OR2L13: variants seen among roughly 807,000 people sequenced by gnomAD.
The protein encoded by OR2L13 is olfactory receptor family 2 subfamily L member 13.
Under a neutral mutation model 15.3 loss-of-function variants are expected in OR2L13, and 14 were observed. That is an observed-to-expected ratio of 0.91 (90% CI 0.60 to 1.43). OR2L13 has a LOEUF of 1.43. OR2L13 is among the 40% of genes most tolerant of loss of function. The pLI is 0.00. For missense variants in OR2L13, 367 were observed against 387.9 expected (o/e 0.95, Z 0.45); for synonymous variants, 152 against 142.9 (o/e 1.06, Z -0.45).
chr1:247,949,609 A>G, the OR2L13 span: 50 of 1,613,904 alleles, frequency 3.1e-5, no homozygotes, highest in Admixed American at 1.3e-4. Context: ...ACTTTCTACT[A>G]TGCACCTTTT....
the OR2L13 span, among the ~76,000 whole-genome samples, chr1:248,074,711 A>AG: frequency 6.6e-6 from 1 of 152,234 alleles, no homozygotes; most frequent in South Asian, 2.1e-4. Context: ...GGGGAGAAAA[A>AG]TTACCTATTG....
At chr1:248,023,775 G>A in the OR2L13 span, 3 of 152,136 alleles carry the variant, frequency 2.0e-5, no homozygotes, top group Non-Finnish European at 4.4e-5. Context: ...CTCCACAAGA[G>A]CCCATTCCTG....
chr1:248,068,082 A>G, the OR2L13 span, among the ~76,000 whole-genome samples: 2 of 149,942 alleles, frequency 1.3e-5, no homozygotes, highest in Admixed American at 6.6e-5. Context: ...CAGACAAACA[A>G]AAAGACAGCA....
chr1:248,091,750 G>A (rs1483874898), upstream of OR2L13, among the ~76,000 whole-genome samples: 1 of 151,930 alleles, frequency 6.6e-6, no homozygotes, highest in East Asian at 1.9e-4. Flanking sequence ...GCTTAGGATT[G>A]TCTTGGCTAT....
At chr1:247,996,905 T>G in the OR2L13 span, 15 of 152,186 alleles carry the variant, frequency 9.9e-5, no homozygotes, top group Non-Finnish European at 2.1e-4. Context: ...CATCTGTACA[T>G]TCTGACTTTC....
the OR2L13 span, among the ~76,000 whole-genome samples, chr1:248,014,169 T>A: frequency 2.0e-5 from 3 of 152,156 alleles, no homozygotes; most frequent in Non-Finnish European, 2.9e-5. Context: ...TATAATAATC[T>A]TATTGCTGTT....
chr1:247,940,545 A>C, the OR2L13 span, among the ~76,000 whole-genome samples: 1 of 152,170 alleles, frequency 6.6e-6, no homozygotes, highest in African/African-American at 2.4e-5. Flanking sequence ...AGACAGTAAC[A>C]ATAATTGTTA....
chr1:248,077,760 G>C, the OR2L13 span, among the ~76,000 whole-genome samples: 1 of 152,154 alleles, frequency 6.6e-6, no homozygotes, highest in Admixed American at 6.5e-5. Flanking sequence ...GCCAATCACA[G>C]CTCTGTCAAA....
chr1:247,963,391 A>G, the OR2L13 span, among the ~76,000 whole-genome samples: 1 of 152,178 alleles, frequency 6.6e-6, no homozygotes, highest in African/African-American at 2.4e-5. Flanking sequence ...AGTGAGGACC[A>G]CCAGAGGTGG....
chr1:247,968,520 G>C, the OR2L13 span, among the ~76,000 whole-genome samples: 1 of 130,790 alleles, frequency 7.6e-6, no homozygotes, highest in East Asian at 2.3e-4. Context: ...ACAGGCCCAG[G>C]TGAGTGATGT....
chr1:248,084,798 C>T, the OR2L13 span, among the ~76,000 whole-genome samples: 3 of 152,172 alleles, frequency 2.0e-5, no homozygotes, highest in Non-Finnish European at 4.4e-5. Context: ...CATTAAATTA[C>T]TACATCCAGC....
chr1:247,975,177 T>C, the OR2L13 span: 1 of 399,336 alleles, frequency 2.5e-6, no homozygotes, highest in Non-Finnish European at 5.0e-6. Context: ...GATAATAGGA[T>C]CTTGGATAAT....
chr1:248,098,107 T>C (rs1251901043), intron 1 of OR2L13, among the ~76,000 whole-genome samples: 1 of 152,258 alleles, frequency 6.6e-6, no homozygotes, highest in Non-Finnish European at 1.5e-5. Flanking sequence ...GGAATACTTT[T>C]TGAATTCCTT....
At chr1:248,033,878 C>T in the OR2L13 span, among the ~76,000 whole-genome samples, 2 of 152,104 alleles carry the variant, frequency 1.3e-5, no homozygotes, top group East Asian at 1.9e-4. Context: ...AAGTCCTAGC[C>T]ACAGCAGTCA....
At chr1:248,030,393 G>A in the OR2L13 span, among the ~76,000 whole-genome samples, 1 of 152,146 alleles carries the variant, frequency 6.6e-6, no homozygotes, top group African/African-American at 2.4e-5. Context: ...AAATATTGGA[G>A]TATGAAATGC....
chr1:247,970,368 T>C, the OR2L13 span, among the ~76,000 whole-genome samples: 45 of 152,160 alleles, frequency 3.0e-4, 1 homozygote, highest in South Asian at 9.3e-3. Context: ...ACAAAAAACA[T>C]GGTCTCTGAG....
chr1:247,945,695 T>C, the OR2L13 span, among the ~76,000 whole-genome samples: 1 of 152,196 alleles, frequency 6.6e-6, no homozygotes, highest in African/African-American at 2.4e-5. Context: ...TGGGTGCATA[T>C]ACATTTAAAG....
At chr1:248,004,647 G>A in the OR2L13 span, among the ~76,000 whole-genome samples, 10 of 152,070 alleles carry the variant, frequency 6.6e-5, no homozygotes, top group African/African-American at 2.4e-4. Context: ...TGTTTTATAG[G>A]GGAATGAATC....
chr1:248,022,632 T>G, the OR2L13 span: 7 of 1,614,068 alleles, frequency 4.3e-6, no homozygotes, highest in African/African-American at 2.7e-5. Flanking sequence ...CCGCATGCAC[T>G]CTGCAGAAGG....
Sources: allele counts gnomAD v4.1 joint callset (sites outside exome capture counted in the v4.1 genomes callset), GRCh38; gene constraint gnomAD v4.1.1; transcripts MANE v1.5; gene names NCBI Gene and HGNC (gene_info 2026-07-23, HGNC 2026-07-21).